KCNB2: variants seen among roughly 807,000 people sequenced by gnomAD.
KCNB2 encodes delayed rectifier potassium channel protein.
A neutral mutation model predicts 61.5 loss-of-function variants in KCNB2; 15 were observed. The ratio of observed to expected loss-of-function variants is 0.24; its 90% CI spans 0.16 to 0.38. The LOEUF is 0.38. Among genes scored for constraint, KCNB2 ranks in the 10% least tolerant of loss-of-function variants. KCNB2 has a pLI of 1.00. For synonymous variants in KCNB2, 457 were observed against 446.0 expected (o/e 1.02, Z -0.31); for missense variants, 828 against 1,125.2 (o/e 0.74, Z 3.78).
intron 2 of KCNB2, among the ~76,000 whole-genome samples, chr8:72,918,630 T>C (rs573425437): frequency 2.4e-4 from 36 of 152,296 alleles, no homozygotes; most frequent in African/African-American, 8.4e-4. Flanking sequence ...TGTGGCAAAA[T>C]GAATTTTGTA....
chr8:72,859,831 T>C (rs1161942594), intron 2 of KCNB2, among the ~76,000 whole-genome samples: 2 of 146,652 alleles, frequency 1.4e-5, no homozygotes, highest in East Asian at 2.2e-4. Flanking sequence ...GCGATTCTCC[T>C]GCCTCATCCT....
chr8:72,648,563 C>T (rs1806166536), intron 2 of KCNB2, among the ~76,000 whole-genome samples: 1 of 133,652 alleles, frequency 7.5e-6, no homozygotes, highest in South Asian at 2.5e-4. Flanking sequence ...CATTAGCCAC[C>T]ACACCTGGCT....
At chr8:72,561,468 G>T (rs1806510139) in intron 1 of KCNB2, among the ~76,000 whole-genome samples, 1 of 150,862 alleles carries the variant, frequency 6.6e-6, no homozygotes, top group South Asian at 2.1e-4. Context: ...TGCTAAATTT[G>T]AGGAACAAAA....
intron 2 of KCNB2, among the ~76,000 whole-genome samples, chr8:72,914,254 C>T (rs1246718320): frequency 1.3e-5 from 2 of 152,186 alleles, no homozygotes; most frequent in East Asian, 3.8e-4. Flanking sequence ...CATTCTAATA[C>T]AGTCACCTTG....
At chr8:72,593,514 G>C (rs931929739) in intron 2 of KCNB2, among the ~76,000 whole-genome samples, 2 of 152,198 alleles carry the variant, frequency 1.3e-5, no homozygotes, top group African/African-American at 4.8e-5. Flanking sequence ...ATTGAGAAAA[G>C]TAGTGTATCT....
intron 2 of KCNB2, among the ~76,000 whole-genome samples, chr8:72,693,233 G>A (rs972056526): frequency 1.6e-4 from 25 of 152,216 alleles, no homozygotes; most frequent in African/African-American, 6.0e-4. Context: ...GTTTACATGG[G>A]AAGGGTGGGC....
intron 2 of KCNB2, among the ~76,000 whole-genome samples, chr8:72,883,538 A>C (rs1330309521): frequency 6.6e-6 from 1 of 152,176 alleles, no homozygotes; most frequent in African/African-American, 2.4e-5. Flanking sequence ...GAATAGCATA[A>C]CCCAACCACT....
At chr8:72,828,822 T>C (rs867478296) in intron 2 of KCNB2, among the ~76,000 whole-genome samples, 13 of 152,222 alleles carry the variant, frequency 8.5e-5, no homozygotes, top group Admixed American at 2.6e-4. Flanking sequence ...GTAAGGCTAG[T>C]GCATTTCCCT....
intron 2 of KCNB2, among the ~76,000 whole-genome samples, chr8:72,599,301 T>A (rs1382211209): frequency 6.6e-6 from 1 of 152,172 alleles, no homozygotes; most frequent in Non-Finnish European, 1.5e-5. Context: ...GCCGCATATC[T>A]ACAACTATCT....
At chr8:72,540,153 A>C (rs1806169337) in intron 1 of KCNB2, among the ~76,000 whole-genome samples, 1 of 152,190 alleles carries the variant, frequency 6.6e-6, no homozygotes, top group Non-Finnish European at 1.5e-5. Flanking sequence ...ACATATTGTG[A>C]AAGTAGACCC....
chr8:72,810,522 G>A lies in KCNB2; in HGVS notation c.580-125413G>A, dbSNP rs190490315. Among the ~76,000 whole-genome samples, 437 of 152,248 alleles carry A rather than the reference G, an allele frequency of 2.9e-3. 3 individuals are homozygous for A. The highest frequency in any genetic ancestry group is 0.016 in the South Asian group (79 of 4,820). On this transcript the variant is annotated intron_variant, in intron 2 of 2. Coordinates refer to ENST00000523207, the MANE Select transcript of KCNB2 (RefSeq NM_004770.3). ...GAATTTCTTCCTTTGTTTAGATAAG[G>A]AAATACCATCCATCAGATATGGCAA...
intron 2 of KCNB2, among the ~76,000 whole-genome samples, chr8:72,636,454 A>G (rs1192847033): frequency 6.6e-6 from 1 of 152,188 alleles, no homozygotes; most frequent in Non-Finnish European, 1.5e-5. Flanking sequence ...TTTAGCTCTA[A>G]TCCTTTCATT....
intron 2 of KCNB2, among the ~76,000 whole-genome samples, chr8:72,807,305 G>A (rs17772544): frequency 0.023 from 3,573 of 152,288 alleles, 50 homozygotes; most frequent in African/African-American, 0.027. Flanking sequence ...TATACTGTGT[G>A]AAAGCCAATA....
intron 2 of KCNB2, among the ~76,000 whole-genome samples, chr8:72,851,516 C>T (rs940552388): frequency 6.6e-6 from 1 of 152,114 alleles, no homozygotes; most frequent in Admixed American, 6.5e-5. Flanking sequence ...AGCCAGAGCT[C>T]TCCTCCAAAA....
At chr8:72,692,095 A>G (rs1806948623) in intron 2 of KCNB2, among the ~76,000 whole-genome samples, 2 of 151,758 alleles carry the variant, frequency 1.3e-5, no homozygotes, top group African/African-American at 4.8e-5. Flanking sequence ...AATTAGCCAG[A>G]CGTGGTGGTG....
chr8:72,552,368 C>T (rs1806358927), intron 1 of KCNB2, among the ~76,000 whole-genome samples: 1 of 152,144 alleles, frequency 6.6e-6, no homozygotes, highest in South Asian at 2.1e-4. Context: ...TATTGGTGCT[C>T]TCCAATACAG....
chr8:72,541,262 C>T (rs540029191), intron 1 of KCNB2, among the ~76,000 whole-genome samples: 36 of 151,728 alleles, frequency 2.4e-4, no homozygotes, highest in South Asian at 4.2e-4. Context: ...ATTTTATTGA[C>T]GTATATAAAA....
chr8:72,887,863 T>G (rs148451544), intron 2 of KCNB2, among the ~76,000 whole-genome samples: 1 of 152,314 alleles, frequency 6.6e-6, no homozygotes, highest in Non-Finnish European at 1.5e-5. Context: ...GAGCTTGGAA[T>G]GTGAACAGGC....
intron 2 of KCNB2, among the ~76,000 whole-genome samples, chr8:72,922,094 A>G (rs1469568675): frequency 2.0e-5 from 3 of 152,162 alleles, no homozygotes; most frequent in Non-Finnish European, 4.4e-5. Flanking sequence ...CTTCTTCTGA[A>G]TGTGCTAGAA....
Sources: gnomAD v4.1 joint callset for allele counts (sites outside exome capture counted in the v4.1 genomes callset) on GRCh38, gnomAD v4.1.1 for gene constraint, MANE v1.5 for transcripts, NCBI Gene and HGNC (gene_info 2026-07-23, HGNC 2026-07-21) for gene names.